The following CEP112 variants were observed in gnomAD, a reference collection of about 807,000 sequenced individuals.
The protein encoded by CEP112 is centrosomal protein of 112 kDa.
Under a neutral mutation model 153.0 loss-of-function variants are expected in CEP112, and 127 were observed. That is an observed-to-expected ratio of 0.83 (90% CI 0.72 to 0.96). The LOEUF (loss-of-function observed/expected upper bound fraction) is 0.96, where lower values mean the gene tolerates loss of function less well. CEP112 is among the 40% of genes least tolerant of loss of function. The pLI is 0.00. For synonymous variants in CEP112, 358 were observed against 374.4 expected (o/e 0.96, Z 0.51); for missense variants, 1,089 against 1,101.2 (o/e 0.99, Z 0.16).
chr17:65,763,944 T>C (rs747801598), intron 21 of CEP112, among the ~76,000 whole-genome samples: 15 of 152,064 alleles, frequency 9.9e-5, no homozygotes, highest in Non-Finnish European at 1.8e-4. Context: ...TTTAATCATG[T>C]GGTGGTAACG....
At chr17:65,803,444 G>A (rs1380915003) in intron 21 of CEP112, among the ~76,000 whole-genome samples, 3 of 152,168 alleles carry the variant, frequency 2.0e-5, no homozygotes, top group African/African-American at 7.2e-5. Flanking sequence ...TCATTTTAAA[G>A]TGGAAAATAG....
intron 24 of CEP112, among the ~76,000 whole-genome samples, chr17:65,653,927 T>TG (rs2045920633): frequency 6.6e-6 from 1 of 150,696 alleles, no homozygotes; most frequent in Non-Finnish European, 1.5e-5. Flanking sequence ...GGCGTGGTGG[T>TG]GCGCACCTGT....
chr17:66,048,083 A>G (rs530220937), intron 12 of CEP112, among the ~76,000 whole-genome samples: 1 of 149,182 alleles, frequency 6.7e-6, no homozygotes, highest in South Asian at 2.2e-4. Context: ...TATTATTTCT[A>G]TTGTTGTATC....
At chr17:65,970,198 G>GCAAA (rs2062623335) in intron 17 of CEP112, among the ~76,000 whole-genome samples, 1 of 121,114 alleles carries the variant, frequency 8.3e-6, no homozygotes, top group African/African-American at 2.7e-5. Context: ...CATATATGCT[G>GCAAA]CATGCATGTC....
At chr17:65,841,899 T>TACAC (rs1311426094) in intron 21 of CEP112, among the ~76,000 whole-genome samples, 3 of 129,504 alleles carry the variant, frequency 2.3e-5, no homozygotes, top group Non-Finnish European at 3.7e-5. Context: ...TGTGTGTGTG[T>TACAC]ACACACATAC....
chr17:65,787,811 T>C (rs1047986383), intron 21 of CEP112, among the ~76,000 whole-genome samples: 3 of 152,228 alleles, frequency 2.0e-5, no homozygotes, highest in Non-Finnish European at 2.9e-5. Context: ...AGTTTACTGA[T>C]CCACTTAGGT....
chr17:65,822,851 A>C (rs967679778), intron 21 of CEP112, among the ~76,000 whole-genome samples: 10 of 152,162 alleles, frequency 6.6e-5, no homozygotes, highest in African/African-American at 2.4e-4. Flanking sequence ...ATTCCAAGGA[A>C]TCTACCAAAA....
chr17:65,663,749 T>C (rs537601598), intron 24 of CEP112, among the ~76,000 whole-genome samples: 2 of 152,316 alleles, frequency 1.3e-5, no homozygotes, highest in African/African-American at 4.8e-5. Context: ...AATCAAACCC[T>C]GTCTTCAAGG....
At chr17:65,729,440 A>C (rs1372760661) in intron 23 of CEP112, among the ~76,000 whole-genome samples, 1 of 152,064 alleles carries the variant, frequency 6.6e-6, no homozygotes, top group Non-Finnish European at 1.5e-5. Flanking sequence ...CCATTACCAC[A>C]ATTACTTTTG....
chr17:66,031,208 A>G (rs1007700472), intron 12 of CEP112, among the ~76,000 whole-genome samples: 1 of 152,188 alleles, frequency 6.6e-6, no homozygotes, highest in African/African-American at 2.4e-5. Flanking sequence ...TATATATTCT[A>G]AACACCCTTT....
At chr17:65,849,613 C>T (rs146060893) in intron 21 of CEP112, among the ~76,000 whole-genome samples, 9 of 152,132 alleles carry the variant, frequency 5.9e-5, no homozygotes, top group East Asian at 1.9e-4. Flanking sequence ...AGGAAAATTA[C>T]GGCCTAAATT....
At chr17:66,102,130 G>C (rs1048521482) in intron 6 of CEP112, among the ~76,000 whole-genome samples, 1 of 152,104 alleles carries the variant, frequency 6.6e-6, no homozygotes, top group African/African-American at 2.4e-5. Flanking sequence ...AACAATATCA[G>C]AGATCCTTCA....
At chr17:65,878,006 G>A (rs1445557628) in intron 20 of CEP112, among the ~76,000 whole-genome samples, 2 of 152,190 alleles carry the variant, frequency 1.3e-5, no homozygotes, top group Admixed American at 1.3e-4. Flanking sequence ...GATAGAAACA[G>A]AGAACAGAAT....
At chr17:65,938,605 CA>C (rs1301291553) in intron 18 of CEP112, among the ~76,000 whole-genome samples, 2 of 151,792 alleles carry the variant, frequency 1.3e-5, no homozygotes, top group African/African-American at 4.8e-5. Context: ...AGTAATTTGG[CA>C]AGATAATGGG....
At chr17:65,937,069 C>A (rs957889588) in intron 18 of CEP112, among the ~76,000 whole-genome samples, 1 of 149,214 alleles carries the variant, frequency 6.7e-6, no homozygotes, top group Non-Finnish European at 1.5e-5. Context: ...CCGCCAGCCT[C>A]GGCCTCCCGA....
chr17:65,931,472 A>G (rs2061120519), intron 18 of CEP112, among the ~76,000 whole-genome samples: 1 of 152,240 alleles, frequency 6.6e-6, no homozygotes, highest in Non-Finnish European at 1.5e-5. Flanking sequence ...CTTTCCCAGC[A>G]TTCCAAGATG....
At chr17:65,675,501 C>T (rs138193373) in intron 24 of CEP112, among the ~76,000 whole-genome samples, 6 of 152,138 alleles carry the variant, frequency 3.9e-5, no homozygotes, top group Non-Finnish European at 5.9e-5. Flanking sequence ...CCACCATGCT[C>T]GGTACCCCAA....
chr17:65,775,602 A>G (rs570706646), intron 21 of CEP112, among the ~76,000 whole-genome samples: 2 of 152,124 alleles, frequency 1.3e-5, no homozygotes, highest in East Asian at 3.9e-4. Context: ...TCCCAGGTTC[A>G]ATCTATTCTC....
Position 65,700,100 on chromosome 17 carries a change from T to TTCCTCC in CEP112, c.2608-10888_2608-10883dup, listed in dbSNP as rs375401274. On this transcript the variant is annotated intron_variant, in intron 23 of 26. Transcript: ENST00000535342. ...CACATGCTTTCTGCTCCTCCTCCTC[T>TTCCTCC]TCCTCCTCCTCCTCCTCCTCCTCTT... Among the ~76,000 whole-genome samples, 6 of 151,254 alleles carry TTCCTCC rather than the reference T, an allele frequency of 4.0e-5. No individual in the cohort carries two copies. In the East Asian group the frequency reaches 9.7e-4, roughly 25 times the overall value.
Sources: gnomAD v4.1 joint callset for allele counts (sites outside exome capture counted in the v4.1 genomes callset) on GRCh38, gnomAD v4.1.1 for gene constraint, MANE v1.5 for transcripts, NCBI Gene and HGNC (gene_info 2026-07-23, HGNC 2026-07-21) for gene names.